PLCB1: variants seen among roughly 807,000 people sequenced by gnomAD.
PLCB1 encodes the protein phospholipase C beta 1, also known as 1-phosphatidylinositol 4,5-bisphosphate phosphodiesterase beta-1.
A neutral mutation model predicts 161.8 loss-of-function variants in PLCB1; 46 were observed. That is an observed-to-expected ratio of 0.28 (90% confidence interval 0.22 to 0.36). The LOEUF is 0.36. Ranked by LOEUF, PLCB1 falls within the 10% of genes least tolerant of loss-of-function variation. PLCB1 has a pLI of 1.00. For missense variants in PLCB1, 1,016 were observed against 1,472.5 expected, an observed-to-expected ratio of 0.69 and a Z score of 5.07; for synonymous variants, 517 against 503.7, an observed-to-expected ratio of 1.03 and a Z score of -0.35.
chr20:8,752,964 A>G (rs1404621035), intron 23 of PLCB1, among the ~76,000 whole-genome samples: 2 of 151,276 alleles, frequency 1.3e-5, no homozygotes, highest in Non-Finnish European at 2.9e-5. Context: ...CAAGCAAGCA[A>G]AGCTTCATCC....
intron 9 of PLCB1, among the ~76,000 whole-genome samples, chr20:8,679,046 A>G (rs144623230): frequency 3.5e-4 from 53 of 152,286 alleles, no homozygotes; most frequent in East Asian, 1.2e-3. Context: ...TTGAAAGGCA[A>G]TGCTCTGATG....
At chr20:8,696,107 GTTTTCT>G (rs1990578032) in intron 10 of PLCB1, among the ~76,000 whole-genome samples, 1 of 152,172 alleles carries the variant, frequency 6.6e-6, no homozygotes, top group South Asian at 2.1e-4. Flanking sequence ...TTACTGCTGT[GTTTTCT>G]TCTAAAGGTT....
In PLCB1 at chr20:8,352,607, A is replaced by G. The variant is rs111631543; in HGVS notation, c.178-18775A>G. Reference sequence around the variant, plus strand: ...GATTGTGACAAATAATATCTATATTATAAATATAGACAACAACCTTACTGA... The same window carrying G: ...GATTGTGACAAATAATATCTATATTGTAAATATAGACAACAACCTTACTGA... On this transcript the variant is annotated intron_variant, in intron 2 of 31. Coordinates refer to ENST00000338037, the MANE Select transcript of PLCB1 (RefSeq NM_015192.4). 4.7e-3 allele frequency among the ~76,000 whole-genome samples: 716 copies of G among 152,250 alleles called. 8 individuals are homozygous for G. Among genetic ancestry groups the G allele is most frequent in the African/African-American group, 0.016 (685 of 41,560 alleles).
chr20:8,762,657 T>G (rs1982104068), intron 25 of PLCB1, among the ~76,000 whole-genome samples: 1 of 152,188 alleles, frequency 6.6e-6, no homozygotes, highest in Non-Finnish European at 1.5e-5. Flanking sequence ...GCAACCATAA[T>G]GAGTCAATTT....
Position 8,717,772 on chromosome 20 carries a change from A to G in PLCB1, c.1437A>G (p.Lys479=), listed in dbSNP as rs779358132. 1 of 1,614,132 alleles carries G rather than the reference A, an allele frequency of 6.2e-7. No individual in the cohort carries two copies. The highest frequency in any genetic ancestry group is 8.5e-7 in the Non-Finnish European group (1 of 1,179,976). Residue 479 remains lysine, a synonymous_variant, in exon 14 of 32, where the codon AAA becomes AAG. Coordinates refer to ENST00000338037, the MANE Select transcript of PLCB1 (RefSeq NM_015192.4). ...KSHKSSEGSG[K]KKLSEQASNT... is the part of the protein sequence containing the mutation. ...ACAAGTCATCAGAAGGAAGCGGCAA[A>G]AAGAAGCTCTCAGAACAAGCCTCCA...
rs186714612 is a variant in PLCB1, at chr20:8,225,419, C to T, written c.177+75048C>T. 1.1e-4 allele frequency among the ~76,000 whole-genome samples: 16 copies of T among 152,178 alleles called. No individual in the cohort carries two copies. The East Asian group carries it at 2.7e-3, about 26-fold the overall frequency. On this transcript the variant is annotated intron_variant, in intron 2 of 31. Transcript: ENST00000338037. ...AACTGAGTCTTTGAGTTCTTTATGG[C>T]TCATGTGAAGAAACAAACATCTTGC...
intron 2 of PLCB1, among the ~76,000 whole-genome samples, chr20:8,338,093 G>A (rs1394823247): frequency 1.3e-5 from 2 of 152,088 alleles, no homozygotes; most frequent in South Asian, 2.1e-4. Flanking sequence ...AGGCAGTGGC[G>A]GTACTTCCGG....
intron 2 of PLCB1, among the ~76,000 whole-genome samples, chr20:8,199,591 G>C (rs2052068499): frequency 6.6e-6 from 1 of 151,758 alleles, no homozygotes; most frequent in African/African-American, 2.4e-5. Flanking sequence ...TTGGTGATTT[G>C]TTGCTTATAT....
At chr20:8,155,465 C>G (rs977194660) in intron 2 of PLCB1, among the ~76,000 whole-genome samples, 1 of 152,094 alleles carries the variant, frequency 6.6e-6, no homozygotes, top group East Asian at 1.9e-4. Flanking sequence ...CTACAGAGTT[C>G]AAAAGCAAAG....
At chr20:8,183,310 G>C (rs778998017) in intron 2 of PLCB1, among the ~76,000 whole-genome samples, 1 of 152,122 alleles carries the variant, frequency 6.6e-6, no homozygotes, top group Non-Finnish European at 1.5e-5. Flanking sequence ...ACTAATTTTT[G>C]TCTAACTCAC....
intron 3 of PLCB1, among the ~76,000 whole-genome samples, chr20:8,496,792 C>A (rs1225807734): frequency 6.6e-6 from 1 of 152,174 alleles, no homozygotes; most frequent in African/African-American, 2.4e-5. Flanking sequence ...CTACCAAGTA[C>A]AATCTTTTGT....
intron 23 of PLCB1, among the ~76,000 whole-genome samples, chr20:8,745,766 C>T (rs1253329368): frequency 2.0e-5 from 3 of 151,866 alleles, no homozygotes; most frequent in African/African-American, 7.3e-5. Flanking sequence ...CTAACTGAAT[C>T]CTAACAAAGT....
At chr20:8,637,461 C>T (rs1988797618) in intron 4 of PLCB1, among the ~76,000 whole-genome samples, 1 of 151,800 alleles carries the variant, frequency 6.6e-6, no homozygotes, top group Non-Finnish European at 1.5e-5. Context: ...ATAGCAAGTA[C>T]AGGAATGGAG....
chr20:8,726,293 C>G (rs6056044), intron 16 of PLCB1, among the ~76,000 whole-genome samples: 30,420 of 151,982 alleles, frequency 0.2, 4,340 homozygotes, highest in African/African-American at 0.41. Flanking sequence ...ACTTTGTTTT[C>G]TTTCTCTCAC....
At chr20:8,456,499 T>C (rs1981323409) in intron 3 of PLCB1, among the ~76,000 whole-genome samples, 1 of 152,092 alleles carries the variant, frequency 6.6e-6, no homozygotes, top group Non-Finnish European at 1.5e-5. Flanking sequence ...AGTAAAGAAA[T>C]AGGTTGGTCT....
intron 2 of PLCB1, among the ~76,000 whole-genome samples, chr20:8,293,732 G>A (rs1983494767): frequency 6.6e-6 from 1 of 152,092 alleles, no homozygotes; most frequent in Non-Finnish European, 1.5e-5. Flanking sequence ...AGGGTCTTGG[G>A]GAACCCCAGA....
chr20:8,714,915 A>T (rs1273665960), intron 12 of PLCB1, among the ~76,000 whole-genome samples: 1 of 151,844 alleles, frequency 6.6e-6, no homozygotes, highest in African/African-American at 2.4e-5. Flanking sequence ...ATATGATTTG[A>T]ACCGTCAATA....
At chr20:8,257,193 G>T (rs563166380) in intron 2 of PLCB1, among the ~76,000 whole-genome samples, 14 of 152,142 alleles carry the variant, frequency 9.2e-5, no homozygotes, top group African/African-American at 3.1e-4. Flanking sequence ...GGCCAGAAAG[G>T]CTAACATGTC....
chr20:8,201,359 T>G (rs6039088), intron 2 of PLCB1, among the ~76,000 whole-genome samples: 33,380 of 151,942 alleles, frequency 0.22, 3,828 homozygotes, highest in African/African-American at 0.28. Context: ...TAACTTAGAA[T>G]TGGCCTCTCC....
Sources: gnomAD v4.1 joint callset for allele counts (sites outside exome capture counted in the v4.1 genomes callset) on GRCh38, gnomAD v4.1.1 for gene constraint, MANE v1.5 for transcripts, NCBI Gene and HGNC (gene_info 2026-07-23, HGNC 2026-07-21) for gene names.